PICALM: variants seen among roughly 807,000 people sequenced by gnomAD.
PICALM encodes the protein phosphatidylinositol-binding clathrin assembly protein.
PICALM carries 40 observed loss-of-function variants against 80.5 expected under a neutral mutation model. The observed-to-expected ratio is 0.50, with a 90% confidence interval of 0.39 to 0.65. The LOEUF (loss-of-function observed/expected upper bound fraction) is 0.65, where lower values mean the gene tolerates loss of function less well. PICALM is among the 30% of genes least tolerant of loss of function. The probability of loss-of-function intolerance (pLI) is 0.00; values close to 1 mark genes in which losing one functional copy is unlikely to be tolerated. For missense variants in PICALM, 676 were observed against 778.9 expected, an observed-to-expected ratio of 0.87 and a Z score of 1.57; for synonymous variants, 288 against 260.3, an observed-to-expected ratio of 1.11 and a Z score of -1.02.
intron 19 of PICALM, 31 bp from the exon 20 acceptor site, chr11:85,959,091 T>C (rs1193007319): frequency 6.7e-6 from 10 of 1,501,094 alleles, no homozygotes; most frequent in Non-Finnish European, 9.2e-6. Flanking sequence ...TGTTAATTCA[T>C]TGTATTGTAG....
chr11:86,032,945 A>G (rs2095783830), intron 1 of PICALM, among the ~76,000 whole-genome samples: 1 of 152,200 alleles, frequency 6.6e-6, no homozygotes, highest in Non-Finnish European at 1.5e-5. Flanking sequence ...AAACACATGC[A>G]TTTTAGATAA....
chr11:85,998,326 T>C (rs2095041575), intron 11 of PICALM, among the ~76,000 whole-genome samples: 2 of 149,606 alleles, frequency 1.3e-5, no homozygotes, highest in African/African-American at 4.9e-5. Context: ...TTAGCCAGGA[T>C]GGTCTCGATC....
At chr11:86,025,118 C>G (rs1312911319) in intron 3 of PICALM, among the ~76,000 whole-genome samples, 2 of 152,100 alleles carry the variant, frequency 1.3e-5, no homozygotes, top group Admixed American at 6.6e-5. Context: ...TAAAAAATAG[C>G]AGGCCGGGTG....
chr11:85,962,216 G>T (rs953260834), intron 19 of PICALM, among the ~76,000 whole-genome samples: 1 of 152,090 alleles, frequency 6.6e-6, no homozygotes, highest in Non-Finnish European at 1.5e-5. Context: ...CCTCTTCAGC[G>T]CAACCACGGA....
rs1016987815 is a variant in PICALM at position 85,964,744 on chromosome 11, T to G, written c.1945-5684A>C. Reference sequence around the variant, plus strand: ...CAACCAGTCACTTGTGCATCTGTATTACACTCACCTTTAGGCTGCTCAGGT... The same window carrying G: ...CAACCAGTCACTTGTGCATCTGTATGACACTCACCTTTAGGCTGCTCAGGT... On this transcript the variant is annotated intron_variant, in intron 19 of 19. Coordinates refer to ENST00000393346, the MANE Select transcript of PICALM (RefSeq NM_007166.4). Among the ~76,000 whole-genome samples the G allele has an allele frequency of 4.6e-5, 7 of 152,190 alleles. 1 individual carries two copies. Among genetic ancestry groups the G allele is most frequent in the South Asian group, 4.1e-4 (2 of 4,828 alleles).
chr11:85,973,727 C>T (rs1203596678), intron 19 of PICALM, among the ~76,000 whole-genome samples: 1 of 152,106 alleles, frequency 6.6e-6, no homozygotes, highest in African/African-American at 2.4e-5. Flanking sequence ...AGACTATATG[C>T]TTTGGCAAAT....
chr11:85,968,518 A>C (rs1393686983), intron 19 of PICALM, among the ~76,000 whole-genome samples: 1 of 152,228 alleles, frequency 6.6e-6, no homozygotes, highest in Admixed American at 6.5e-5. Context: ...ATAAACATTC[A>C]TTTAAAAAGT....
At chr11:85,990,773 T>C (rs2094745652) in intron 12 of PICALM, among the ~76,000 whole-genome samples, 2 of 152,130 alleles carry the variant, frequency 1.3e-5, no homozygotes, top group East Asian at 1.9e-4. Context: ...ATAATTGATA[T>C]TGACAATTGG....
intron 1 of PICALM, among the ~76,000 whole-genome samples, chr11:86,038,805 C>G (rs1483921122): frequency 1.3e-5 from 2 of 151,384 alleles, no homozygotes; most frequent in Admixed American, 1.3e-4. Flanking sequence ...AGTCAAAGTC[C>G]TATCTTAACG....
At chr11:86,014,237 A>C (rs566910006) in intron 5 of PICALM, among the ~76,000 whole-genome samples, 1 of 152,356 alleles carries the variant, frequency 6.6e-6, no homozygotes, top group Admixed American at 6.5e-5. Context: ...TCACAGTTCC[A>C]TTCACTAACT....
At chr11:85,994,691 T>C (rs1034900217) in intron 12 of PICALM, among the ~76,000 whole-genome samples, 1 of 152,254 alleles carries the variant, frequency 6.6e-6, no homozygotes, top group African/African-American at 2.4e-5. Flanking sequence ...GCATTTAATG[T>C]TATGATCTAA....
intron 1 of PICALM, among the ~76,000 whole-genome samples, chr11:86,047,386 C>A (rs907262307): frequency 3.3e-5 from 5 of 152,188 alleles, no homozygotes; most frequent in Non-Finnish European, 5.9e-5. Context: ...ATGAGGAAAG[C>A]GACACATTAT....
chr11:85,961,490 G>A (rs541375747), intron 19 of PICALM, among the ~76,000 whole-genome samples: 216 of 152,224 alleles, frequency 1.4e-3, no homozygotes, highest in African/African-American at 4.3e-3. Context: ...TGTTTAATTC[G>A]AATATACTGT....
At chr11:85,972,062 C>A (rs141670288) in intron 19 of PICALM, among the ~76,000 whole-genome samples, 43 of 152,022 alleles carry the variant, frequency 2.8e-4, no homozygotes, top group African/African-American at 1.0e-3. Context: ...GGACTACAGG[C>A]GTGAGCCACC....
intron 1 of PICALM, among the ~76,000 whole-genome samples, chr11:86,044,424 C>T (rs905362645): frequency 1.3e-5 from 2 of 152,204 alleles, no homozygotes; most frequent in Non-Finnish European, 2.9e-5. Flanking sequence ...AAACCAAAGA[C>T]ACATCAAACG....
Position 86,014,977 on chromosome 11 carries a change from AC to A in PICALM, c.453-15del. 1 of 1,490,968 alleles carries A rather than the reference AC, an allele frequency of 6.7e-7. No homozygotes were observed. The allele number at this position is 1,490,968 out of a possible 1,614,324, so 92.4% of individuals were successfully genotyped here. A position where few individuals can be genotyped will look rare whatever the true frequency, so the allele number is the denominator to read the frequency against. On this transcript the variant is annotated splice_polypyrimidine_tract_variant and intron_variant, in intron 4 of 19. Coordinates refer to ENST00000393346, the MANE Select transcript of PICALM (RefSeq NM_007166.4). ...ACTCCATCAGCCCTGTTATGAAAAA[AC>A]CAGAGAAATAAACAAATGAATCTGC...
intron 14 of PICALM, 49 bp from the exon 15 acceptor site, chr11:85,982,052 G>A (rs1346171958): frequency 3.2e-6 from 5 of 1,567,770 alleles, no homozygotes; most frequent in Non-Finnish European, 3.5e-6. Flanking sequence ...ACTTTATGAC[G>A]CTATGGTTTT....
chr11:86,026,514 C>T (rs1304436087), intron 2 of PICALM, 147 bp from the exon 3 acceptor site: 1 of 575,394 alleles, frequency 1.7e-6, no homozygotes, highest in African/African-American at 1.9e-5. Context: ...TAACTAGTTA[C>T]CAAACCTAAA....
At chr11:86,010,973 A>G in intron 7 of PICALM, 57 bp downstream of exon 7, 1 of 743,506 alleles carries the variant, frequency 1.3e-6, no homozygotes, top group Non-Finnish European at 2.4e-6. Context: ...TGACTTCAAA[A>G]TCCATACTTA....
Sources: allele counts gnomAD v4.1 joint callset (sites outside exome capture counted in the v4.1 genomes callset), GRCh38; gene constraint gnomAD v4.1.1; transcripts MANE v1.5; gene names NCBI Gene and HGNC (gene_info 2026-07-23, HGNC 2026-07-21).